The following ARMC9 variants were observed in gnomAD, a reference collection of about 807,000 sequenced individuals.
The protein encoded by ARMC9 is lisH domain-containing protein ARMC9.
ARMC9 carries 94 observed loss-of-function variants against 107.0 expected under a neutral mutation model. The ratio of observed to expected loss-of-function variants is 0.88; its 90% CI spans 0.74 to 1.04. The LOEUF (loss-of-function observed/expected upper bound fraction) is 1.04, where lower values mean the gene tolerates loss of function less well. Among genes scored for constraint, ARMC9 ranks in the 50% least tolerant of loss-of-function variants. The pLI is 0.00. For missense variants in ARMC9, 942 were observed against 1,030.1 expected (o/e 0.91, Z 1.17); for synonymous variants, 380 against 396.9 (o/e 0.96, Z 0.51).
chr2:231,353,763 T>G (rs1330574009), intron 21 of ARMC9, among the ~76,000 whole-genome samples: 1 of 151,866 alleles, frequency 6.6e-6, no homozygotes, highest in Non-Finnish European at 1.5e-5. Flanking sequence ...GGAATGTCAT[T>G]CCTTTGGTTC....
At chr2:231,292,539 A>G (rs1373090176) in intron 18 of ARMC9, among the ~76,000 whole-genome samples, 1 of 152,140 alleles carries the variant, frequency 6.6e-6, no homozygotes, top group East Asian at 1.9e-4. Flanking sequence ...ATAACAACCC[A>G]CATCCCATAG....
intron 13 of ARMC9, 60 bp from the exon 14 acceptor site, chr2:231,272,895 G>A (rs2039457920): frequency 6.3e-7 from 1 of 1,578,254 alleles, no homozygotes; most frequent in Non-Finnish European, 8.6e-7. Flanking sequence ...AAGTGGTTTT[G>A]TAGCATACCA....
chr2:231,288,574 A>C (rs1284957246), intron 17 of ARMC9: 1 of 469,288 alleles, frequency 2.1e-6, no homozygotes, highest in African/African-American at 2.0e-5. Flanking sequence ...AGTAGAAGTG[A>C]GTTCGAAGTT....
intron 21 of ARMC9, among the ~76,000 whole-genome samples, chr2:231,350,931 C>A (rs184526381): frequency 3.0e-3 from 413 of 138,084 alleles, no homozygotes; most frequent in African/African-American, 0.011. Context: ...ATCCTATTTG[C>A]ACAAAGTGAC....
intron 20 of ARMC9, among the ~76,000 whole-genome samples, chr2:231,332,529 TG>T (rs778035055): frequency 1.3e-5 from 2 of 152,196 alleles, no homozygotes; most frequent in Non-Finnish European, 2.9e-5. Flanking sequence ...CCATCTGGGA[TG>T]GGTCCTTAAG....
chr2:231,322,575 C>A (rs1227531481), intron 19 of ARMC9, among the ~76,000 whole-genome samples: 3 of 152,158 alleles, frequency 2.0e-5, no homozygotes, highest in Non-Finnish European at 2.9e-5. Flanking sequence ...TGCTTAGAAT[C>A]TGGTTTGTCT....
At chr2:231,266,239 C>T (rs1443590468) in intron 12 of ARMC9, among the ~76,000 whole-genome samples, 2 of 152,212 alleles carry the variant, frequency 1.3e-5, no homozygotes, top group African/African-American at 4.8e-5. Flanking sequence ...GTCCCACCAA[C>T]AGTTTCCATT....
chr2:231,253,743 G>T (rs1334569327), intron 9 of ARMC9, among the ~76,000 whole-genome samples: 1 of 152,144 alleles, frequency 6.6e-6, no homozygotes, highest in Non-Finnish European at 1.5e-5. Flanking sequence ...GCAGGGGGCT[G>T]CAGAGTCCAG....
At chr2:231,311,763 C>A (rs1397984514) in intron 19 of ARMC9, among the ~76,000 whole-genome samples, 2 of 117,558 alleles carry the variant, frequency 1.7e-5, no homozygotes, top group African/African-American at 6.9e-5. Flanking sequence ...AAGTAAGACT[C>A]CATCGCCAAA....
intron 6 of ARMC9, among the ~76,000 whole-genome samples, chr2:231,223,322 C>T (rs1215902372): frequency 6.6e-6 from 1 of 152,164 alleles, no homozygotes; most frequent in East Asian, 1.9e-4. Context: ...TGTGCAGTAT[C>T]ACCACAGTCC....
At chr2:231,347,924 T>C (rs1261986487) in intron 21 of ARMC9, among the ~76,000 whole-genome samples, 1 of 152,264 alleles carries the variant, frequency 6.6e-6, no homozygotes, top group Non-Finnish European at 1.5e-5. Flanking sequence ...TCTGGCAACT[T>C]CCTTAAAAAA....
rs1424304540 is a variant in ARMC9, at chr2:231,313,942, G to T, written c.1773+17689G>T. Among the ~76,000 whole-genome samples, 12 of 143,384 alleles carry T rather than the reference G, an allele frequency of 8.4e-5. No individual in the cohort carries two copies. The South Asian group carries it at 2.4e-3, about 29-fold the overall frequency. The allele number at this position is 143,384 out of a possible 152,430, so 94.1% of individuals were successfully genotyped here. ...GCCTAATTTTTTTTTTTTTTTTTTGGTAGGACGGAATCCCACTATGTTGCC... is the reference window on the plus strand; with the variant it reads ...GCCTAATTTTTTTTTTTTTTTTTTGTTAGGACGGAATCCCACTATGTTGCC... On this transcript the variant is annotated intron_variant, in intron 19 of 24. Coordinates refer to ENST00000611582, the MANE Select transcript of ARMC9 (RefSeq NM_001352754.2).
At chr2:231,280,182 G>A (rs182183277) in intron 16 of ARMC9, among the ~76,000 whole-genome samples, 18 of 152,316 alleles carry the variant, frequency 1.2e-4, no homozygotes, top group Admixed American at 1.0e-3. Flanking sequence ...GGCCGGGCAC[G>A]GTGGCTTACG....
Position 231,376,738 on chromosome 2 carries a change from C to T in ARMC9, c.*5203C>T, listed in dbSNP as rs2046209257. On this transcript the variant is annotated 3_prime_UTR_variant, in exon 25 of 25. Coordinates refer to ENST00000611582, the MANE Select transcript of ARMC9 (RefSeq NM_001352754.2). ...TCACCCACACCTATTCGCACACTCC[C>T]TCCCCTTTTGAAAATCCCTAATAAA... 6.6e-6 allele frequency among the ~76,000 whole-genome samples: 1 copy of T among 152,104 alleles called. No individual in the cohort carries two copies. The highest frequency in any genetic ancestry group is 1.5e-5 in the Non-Finnish European group (1 of 68,026).
chr2:231,314,077 T>G (rs13422187), intron 19 of ARMC9, among the ~76,000 whole-genome samples: 48,228 of 149,682 alleles, frequency 0.32, 8,234 homozygotes, highest in African/African-American at 0.36. Flanking sequence ...TTTTTTTTTT[T>G]TTTTTTGTTT....
chr2:231,360,315 G>A lies in ARMC9; in HGVS notation c.2132-439G>A, dbSNP rs935713512. Among the ~76,000 whole-genome samples the A allele has an allele frequency of 6.6e-6, 1 of 152,130 alleles. No individual in the cohort carries two copies. The highest frequency in any genetic ancestry group is 2.4e-5 in the African/African-American group (1 of 41,396). On this transcript the variant is annotated intron_variant, in intron 22 of 24. Transcript: ENST00000611582. This position sits in a 1 kb window ranked among gnomAD's most constrained non-coding sequence, Gnocchi z 4.7. ...GCATTAAGGAGCCTTGGGCTGCTCG[G>A]TGAGGAGCACCCTACCTCTCAGGTT...
intron 9 of ARMC9, among the ~76,000 whole-genome samples, chr2:231,240,446 G>C (rs951976996): frequency 1.3e-5 from 2 of 152,176 alleles, no homozygotes; most frequent in Non-Finnish European, 2.9e-5. Flanking sequence ...GTAGCACAAA[G>C]GACATTGGTA....
intron 9 of ARMC9, among the ~76,000 whole-genome samples, chr2:231,245,602 G>A (rs545994476): frequency 2.0e-5 from 3 of 152,316 alleles, no homozygotes; most frequent in Non-Finnish European, 4.4e-5. Context: ...GTGGGAACCT[G>A]TTGCCTGTGT....
intron 19 of ARMC9, among the ~76,000 whole-genome samples, chr2:231,330,673 C>A (rs1478497335): frequency 1.3e-5 from 2 of 152,206 alleles, no homozygotes; most frequent in East Asian, 3.9e-4. Flanking sequence ...GGTGAGGGTA[C>A]AGCTGGGGCT....
Sources: allele counts gnomAD v4.1 joint callset (sites outside exome capture counted in the v4.1 genomes callset), GRCh38; gene constraint gnomAD v4.1.1; non-coding constraint Gnocchi (gnomAD v3.1); transcripts MANE v1.5; gene names NCBI Gene and HGNC (gene_info 2026-07-23, HGNC 2026-07-21).